CTNNA3: variants seen among roughly 807,000 people sequenced by gnomAD.
CTNNA3 encodes the protein catenin alpha 3.
A neutral mutation model predicts 95.7 loss-of-function variants in CTNNA3; 76 were observed. That is an observed-to-expected ratio of 0.79 (90% CI 0.66 to 0.96). The LOEUF is 0.96. CTNNA3 is among the 40% of genes least tolerant of loss of function. The pLI, the probability that CTNNA3 is intolerant of heterozygous loss-of-function variation, is 0.00. For synonymous variants in CTNNA3, 431 were observed against 374.4 expected, an observed-to-expected ratio of 1.15 and a Z score of -1.74; for missense variants, 1,191 against 1,089.8, an observed-to-expected ratio of 1.09 and a Z score of -1.31.
chr10:67,317,219 A>G (rs1360260247), intron 5 of CTNNA3, among the ~76,000 whole-genome samples: 1 of 148,924 alleles, frequency 6.7e-6, no homozygotes, highest in Non-Finnish European at 1.5e-5. Flanking sequence ...TTTAAATTTT[A>G]TTATTATTAT....
rs544628066 is a variant in CTNNA3 at position 66,830,671 on chromosome 10, G to A, written c.1048-55147C>T. Among the ~76,000 whole-genome samples the A allele has an allele frequency of 1.9e-4, 29 of 151,648 alleles. No homozygotes were observed. The South Asian group carries it at 5.8e-3, about 30-fold the overall frequency. On this transcript the variant is annotated intron_variant, in intron 7 of 17. Coordinates refer to ENST00000433211, the MANE Select transcript of CTNNA3 (RefSeq NM_013266.4). ...GTTGCCCAGGCTGGAGTGCAGTGGT[G>A]CGATCTCGGCTCACCGCAAGCTCCG...
At chr10:67,376,945 C>G (rs1843715771) in intron 5 of CTNNA3, among the ~76,000 whole-genome samples, 1 of 152,158 alleles carries the variant, frequency 6.6e-6, no homozygotes, top group Non-Finnish European at 1.5e-5. Flanking sequence ...GAGCCCATAG[C>G]TATGATGCCT....
At chr10:66,447,894 A>G (rs560966632) in intron 11 of CTNNA3, among the ~76,000 whole-genome samples, 2 of 152,326 alleles carry the variant, frequency 1.3e-5, no homozygotes, top group South Asian at 4.1e-4. Flanking sequence ...CAGGCAACCT[A>G]CAAAATAGGA....
chr10:66,702,826 G>A (rs1847998731), intron 9 of CTNNA3, among the ~76,000 whole-genome samples: 1 of 151,290 alleles, frequency 6.6e-6, no homozygotes, highest in Non-Finnish European at 1.5e-5. Flanking sequence ...GATTTCTTGT[G>A]CTGTTATAAA....
chr10:66,811,241 A>C (rs945599630), intron 7 of CTNNA3, among the ~76,000 whole-genome samples: 1 of 152,212 alleles, frequency 6.6e-6, no homozygotes, highest in African/African-American at 2.4e-5. Flanking sequence ...CAACAAGGGC[A>C]CATAAGATTT....
intron 13 of CTNNA3, among the ~76,000 whole-genome samples, chr10:66,175,195 C>T (rs780148087): frequency 5.3e-5 from 8 of 152,078 alleles, no homozygotes; most frequent in Admixed American, 2.6e-4. Context: ...CACACACACT[C>T]ACAACCCTCA....
At chr10:67,247,102 G>T (rs560533267) in intron 5 of CTNNA3, among the ~76,000 whole-genome samples, 6 of 152,118 alleles carry the variant, frequency 3.9e-5, no homozygotes, top group African/African-American at 1.4e-4. Context: ...ACTAAACAAG[G>T]ATGTCCCCTT....
intron 13 of CTNNA3, among the ~76,000 whole-genome samples, chr10:66,247,270 TAA>T (rs113963609): frequency 0.024 from 3,659 of 152,186 alleles, 94 homozygotes; most frequent in African/African-American, 0.066. Context: ...TTAGCCACAG[TAA>T]AATAGAACAT....
chr10:66,489,230 A>G (rs891908915), intron 11 of CTNNA3, among the ~76,000 whole-genome samples: 11 of 152,160 alleles, frequency 7.2e-5, no homozygotes, highest in African/African-American at 2.7e-4. Context: ...TAGCTTTATA[A>G]ACAATCAATG....
chr10:67,503,667 T>A (rs1839303368), intron 5 of CTNNA3, among the ~76,000 whole-genome samples: 1 of 152,168 alleles, frequency 6.6e-6, no homozygotes, highest in African/African-American at 2.4e-5. Context: ...ATAGAATGTA[T>A]ACAAAAAAGA....
intron 2 of CTNNA3, among the ~76,000 whole-genome samples, chr10:67,618,621 T>A (rs1475885410): frequency 6.6e-6 from 1 of 152,196 alleles, no homozygotes; most frequent in Non-Finnish European, 1.5e-5. Flanking sequence ...GGAGAAAATA[T>A]ACATAGCTAC....
At chr10:66,277,375 T>C (rs890856102) in intron 13 of CTNNA3, among the ~76,000 whole-genome samples, 4 of 152,132 alleles carry the variant, frequency 2.6e-5, no homozygotes, top group African/African-American at 9.7e-5. Context: ...CCTGAGCTTG[T>C]ATAATTACAC....
rs541405460 is a variant in CTNNA3 at position 67,233,932 on chromosome 10, G to A, written c.580-14062C>T. Among the ~76,000 whole-genome samples the A allele has an allele frequency of 2.3e-4, 35 of 152,216 alleles. 1 individual carries two copies. In the South Asian group the frequency reaches 7.3e-3, roughly 32 times the overall value. On this transcript the variant is annotated intron_variant, in intron 5 of 17. Transcript: ENST00000433211. ...TCTAGAAGAAACGGATAAATTCCTCGACACATACACCCTCCCAAGACTAAA... is the reference window on the plus strand; with the variant it reads ...TCTAGAAGAAACGGATAAATTCCTCAACACATACACCCTCCCAAGACTAAA...
At chr10:66,755,465 A>G (rs1019256281) in intron 9 of CTNNA3, among the ~76,000 whole-genome samples, 4 of 152,172 alleles carry the variant, frequency 2.6e-5, no homozygotes, top group Admixed American at 2.0e-4. Flanking sequence ...AGATATCTCA[A>G]AAAAGATCAT....
chr10:67,445,046 A>C (rs1041991833), intron 5 of CTNNA3, among the ~76,000 whole-genome samples: 1 of 152,156 alleles, frequency 6.6e-6, no homozygotes, highest in Non-Finnish European at 1.5e-5. Context: ...AATTCTGCTC[A>C]AACTACTCTG....
At chr10:66,457,884 G>T (rs541291237) in intron 11 of CTNNA3, among the ~76,000 whole-genome samples, 2 of 152,060 alleles carry the variant, frequency 1.3e-5, no homozygotes, top group Non-Finnish European at 2.9e-5. Context: ...AGAGCCTCAG[G>T]CCTCTTCAAA....
chr10:66,031,160 G>T (rs2079441856), intron 15 of CTNNA3, among the ~76,000 whole-genome samples: 1 of 152,058 alleles, frequency 6.6e-6, no homozygotes, highest in Non-Finnish European at 1.5e-5. Flanking sequence ...ATTCCTCAGA[G>T]AACTAAAAAT....
At chr10:66,055,333 T>C (rs545664613) in intron 15 of CTNNA3, among the ~76,000 whole-genome samples, 60 of 152,316 alleles carry the variant, frequency 3.9e-4, no homozygotes, top group African/African-American at 1.3e-3. Context: ...TTTAACAATA[T>C]TGATTCTTCT....
rs546169131 is a variant in CTNNA3, at chr10:67,033,778, T to C, written c.1047+146539A>G. 2.6e-5 allele frequency among the ~76,000 whole-genome samples: 4 copies of C among 152,212 alleles called. No homozygotes were observed. The South Asian group carries it at 6.2e-4, about 24-fold the overall frequency. On this transcript the variant is annotated intron_variant, in intron 7 of 17. Transcript: ENST00000433211. ...TAACTTTTACTGTATAGTGTTTCTT[T>C]TTGTTTTTTTTGGACGAAGTCTCAC...
Sources: gnomAD v4.1 joint callset for allele counts (sites outside exome capture counted in the v4.1 genomes callset) on GRCh38, gnomAD v4.1.1 for gene constraint, MANE v1.5 for transcripts, NCBI Gene and HGNC (gene_info 2026-07-23, HGNC 2026-07-21) for gene names.